CLNK: variants seen among roughly 807,000 people sequenced by gnomAD.
CLNK encodes the protein cytokine-dependent hematopoietic cell linker.
Under a neutral mutation model 68.6 loss-of-function variants are expected in CLNK, and 74 were observed. The observed-to-expected ratio is 1.08, with a 90% CI of 0.89 to 1.31. CLNK has a LOEUF of 1.31. CLNK is among the 50% of genes most tolerant of loss of function. The pLI, the probability that CLNK is intolerant of heterozygous loss-of-function variation, is 0.00. For synonymous variants in CLNK, 198 were observed against 172.2 expected, an observed-to-expected ratio of 1.15 and a Z score of -1.17; for missense variants, 553 against 515.3, an observed-to-expected ratio of 1.07 and a Z score of -0.71.
chr4:10,498,082 C>A (rs1716885788), intron 18 of CLNK, among the ~76,000 whole-genome samples: 1 of 152,198 alleles, frequency 6.6e-6, no homozygotes, highest in African/African-American at 2.4e-5. Flanking sequence ...GTAATCCCAG[C>A]TACTCGGGAG....
rs1718977520 is a variant in CLNK at position 10,540,658 on chromosome 4, C to T, written c.492-54G>A. The stretch of plus-strand genomic sequence containing the variant: ...AGAAAGTTTGCTGCAGCAGTGATGC[C>T]TCAGGCCCTGAATCCACACTGCTCT... On this transcript the variant is annotated intron_variant, in intron 10 of 18. Transcript: ENST00000226951. The T allele has an allele frequency of 3.2e-6, 4 of 1,259,424 alleles. No individual in the cohort carries two copies. The South Asian group carries it at 4.9e-5, about 15-fold the overall frequency. 78.0% of individuals were successfully genotyped at this position (1,259,424 alleles called of 1,614,324 possible). A position where few individuals can be genotyped will look rare whatever the true frequency, so the allele number is the denominator to read the frequency against.
At chr4:10,580,896 G>A (rs150331406) in intron 4 of CLNK, among the ~76,000 whole-genome samples, 2 of 152,250 alleles carry the variant, frequency 1.3e-5, no homozygotes, top group Admixed American at 6.5e-5. Flanking sequence ...AGATTCTAAT[G>A]TTGACGTGGG....
intron 10 of CLNK, among the ~76,000 whole-genome samples, chr4:10,541,298 C>T (rs1353069478): frequency 6.6e-6 from 1 of 150,976 alleles, no homozygotes; most frequent in African/African-American, 2.4e-5. Context: ...ATATGTTATT[C>T]ACCCATTCAC....
chr4:10,552,578 A>G (rs1216963793), intron 8 of CLNK, among the ~76,000 whole-genome samples: 1 of 152,042 alleles, frequency 6.6e-6, no homozygotes, highest in East Asian at 1.9e-4. Context: ...CTCACCCAGA[A>G]GTAACTCATC....
chr4:10,508,785 T>C (rs555015820), intron 16 of CLNK, among the ~76,000 whole-genome samples: 12 of 152,230 alleles, frequency 7.9e-5, no homozygotes, highest in African/African-American at 2.9e-4. Flanking sequence ...GTATAGACCC[T>C]AGTGAAGATG....
intron 16 of CLNK, among the ~76,000 whole-genome samples, chr4:10,511,603 C>G (rs1393197066): frequency 1.3e-5 from 2 of 152,138 alleles, no homozygotes; most frequent in African/African-American, 4.8e-5. Flanking sequence ...ACCTTGTATT[C>G]CTGGAATCAT....
chr4:10,685,233 T>C (rs1404817317), upstream of CLNK, among the ~76,000 whole-genome samples: 1 of 152,200 alleles, frequency 6.6e-6, no homozygotes, highest in East Asian at 1.9e-4. Context: ...GTATTAATTA[T>C]TAGCTATAGG....
At chr4:10,516,930 CTGTT>C (rs1271925678) in intron 15 of CLNK, among the ~76,000 whole-genome samples, 1 of 152,144 alleles carries the variant, frequency 6.6e-6, no homozygotes, top group Non-Finnish European at 1.5e-5. Context: ...TTGCAGAAAA[CTGTT>C]TGATCACTTA....
At chr4:10,695,950 G>T in the CLNK span, among the ~76,000 whole-genome samples, 1 of 151,832 alleles carries the variant, frequency 6.6e-6, no homozygotes, top group Non-Finnish European at 1.5e-5. Context: ...CTGCCTCCCG[G>T]GTTCAAGCAA....
chr4:10,589,250 C>A (rs1240651552), intron 3 of CLNK, among the ~76,000 whole-genome samples: 1 of 152,164 alleles, frequency 6.6e-6, no homozygotes, highest in Non-Finnish European at 1.5e-5. Context: ...CAGTAACTTG[C>A]CTGAAGTGGC....
chr4:10,639,258 C>T (rs190937824), intron 2 of CLNK, among the ~76,000 whole-genome samples: 10 of 152,328 alleles, frequency 6.6e-5, no homozygotes, highest in Admixed American at 5.9e-4. Flanking sequence ...TTTACCCAGC[C>T]AGCCTCTCCT....
intron 18 of CLNK, among the ~76,000 whole-genome samples, chr4:10,496,414 G>T (rs755801495): frequency 6.6e-6 from 1 of 152,118 alleles, no homozygotes; most frequent in Admixed American, 6.5e-5. Context: ...AAAGGCTCAC[G>T]CTGTGAAAAG....
At chr4:10,648,431 T>A (rs1723597449) in intron 2 of CLNK, among the ~76,000 whole-genome samples, 1 of 152,232 alleles carries the variant, frequency 6.6e-6, no homozygotes, top group South Asian at 2.1e-4. Context: ...TTATATCATG[T>A]AACTCTTATC....
At chr4:10,637,104 T>C (rs1723121502) in intron 2 of CLNK, among the ~76,000 whole-genome samples, 1 of 152,116 alleles carries the variant, frequency 6.6e-6, no homozygotes, top group African/African-American at 2.4e-5. Context: ...CAAATAAACA[T>C]GTTTCTATCA....
the CLNK span, among the ~76,000 whole-genome samples, chr4:10,731,495 C>T: frequency 6.6e-6 from 1 of 152,154 alleles, no homozygotes; most frequent in African/African-American, 2.4e-5. Context: ...ATAACCTCAA[C>T]TTATGAATGT....
intron 16 of CLNK, among the ~76,000 whole-genome samples, chr4:10,509,029 C>T (rs547765985): frequency 6.8e-6 from 1 of 147,210 alleles, no homozygotes; most frequent in Non-Finnish European, 1.5e-5. Flanking sequence ...ATCGCTTGAA[C>T]CTGGGAGGCG....
At chr4:10,537,531 G>A (rs1483284847) in intron 11 of CLNK, among the ~76,000 whole-genome samples, 1 of 151,908 alleles carries the variant, frequency 6.6e-6, no homozygotes, top group Admixed American at 6.6e-5. Flanking sequence ...ATGGATTCTG[G>A]ATACCTAATT....
chr4:10,716,859 A>G, the CLNK span, among the ~76,000 whole-genome samples: 2 of 151,734 alleles, frequency 1.3e-5, no homozygotes, highest in African/African-American at 4.8e-5. Flanking sequence ...ATGCTCAGCT[A>G]ATTTTTGTAT....
rs1313883787 is a variant in CLNK at position 10,488,293 on chromosome 4, G to A, written c.*2174C>T. The A allele has an allele frequency of 6.6e-6, 1 of 152,196 alleles. No individual in the cohort carries two copies. Among genetic ancestry groups the A allele is most frequent in the East Asian group, 1.9e-4 (1 of 5,196 alleles). The allele number at this position is 152,196 out of a possible 1,614,324, so 9.4% of individuals were successfully genotyped here. A position where few individuals can be genotyped will look rare whatever the true frequency, so the allele number is the denominator to read the frequency against. ...ACCTATTTTATCAACAGCAATGGTT[G>A]AGAGGACTCATAGACATTTCTTGAG... On this transcript the variant is annotated 3_prime_UTR_variant, in exon 19 of 19. Coordinates refer to ENST00000226951, the MANE Select transcript of CLNK (RefSeq NM_052964.4).
Sources: allele counts gnomAD v4.1 joint callset (sites outside exome capture counted in the v4.1 genomes callset), GRCh38; gene constraint gnomAD v4.1.1; transcripts MANE v1.5; gene names NCBI Gene and HGNC (gene_info 2026-07-23, HGNC 2026-07-21).